Variants in PTPRK observed in about 807,000 individuals in gnomAD.
The protein encoded by PTPRK is receptor-type tyrosine-protein phosphatase kappa.
A neutral mutation model predicts 178.0 loss-of-function variants in PTPRK; 75 were observed. The observed-to-expected ratio is 0.42, with a 90% confidence interval of 0.35 to 0.51. PTPRK has a LOEUF of 0.51. Among genes scored for constraint, PTPRK ranks in the 20% least tolerant of loss-of-function variants. The probability of loss-of-function intolerance (pLI) is 0.02; values close to 1 mark genes in which losing one functional copy is unlikely to be tolerated. For missense variants in PTPRK, 1,441 were observed against 1,797.8 expected, an observed-to-expected ratio of 0.80 and a Z score of 3.59; for synonymous variants, 637 against 620.6, an observed-to-expected ratio of 1.03 and a Z score of -0.39.
intron 7 of PTPRK, among the ~76,000 whole-genome samples, chr6:128,179,966 A>G (rs899073894): frequency 6.6e-6 from 1 of 152,066 alleles, no homozygotes; most frequent in Middle Eastern, 3.2e-3. Flanking sequence ...TAACTGTTTC[A>G]CTGAAAATTG....
At chr6:128,012,006 G>C (rs1436416228) in intron 13 of PTPRK, among the ~76,000 whole-genome samples, 1 of 151,112 alleles carries the variant, frequency 6.6e-6, no homozygotes, top group Non-Finnish European at 1.5e-5. Context: ...GTTGGGTAAG[G>C]CTGCCTGTCT....
intron 1 of PTPRK, among the ~76,000 whole-genome samples, chr6:128,444,460 A>G (rs1846682270): frequency 6.6e-6 from 1 of 152,136 alleles, no homozygotes; most frequent in Admixed American, 6.6e-5. Context: ...TTCTGTGGCT[A>G]TAAATCCCCA....
intron 6 of PTPRK, among the ~76,000 whole-genome samples, chr6:128,204,151 C>T (rs550402806): frequency 1.2e-4 from 19 of 152,136 alleles, no homozygotes; most frequent in Admixed American, 3.3e-4. Flanking sequence ...CTTTGACAAA[C>T]CTGAAAAAAC....
At chr6:128,252,239 T>G (rs1816576648) in intron 3 of PTPRK, among the ~76,000 whole-genome samples, 1 of 152,240 alleles carries the variant, frequency 6.6e-6, no homozygotes, top group Non-Finnish European at 1.5e-5. Context: ...TGGCTATCCC[T>G]AATGTAATCA....
chr6:128,154,331 A>G (rs557672707), intron 7 of PTPRK, among the ~76,000 whole-genome samples: 3 of 151,996 alleles, frequency 2.0e-5, no homozygotes, highest in South Asian at 4.1e-4. Flanking sequence ...CAAAAAAATT[A>G]GGAAAAAAAT....
chr6:128,150,010 A>G (rs980464963), intron 7 of PTPRK, among the ~76,000 whole-genome samples: 1 of 152,168 alleles, frequency 6.6e-6, no homozygotes, highest in Non-Finnish European at 1.5e-5. Flanking sequence ...GAATCTTATC[A>G]TTCTACTGGA....
chr6:128,243,485 C>T (rs552427986), intron 3 of PTPRK, among the ~76,000 whole-genome samples: 4 of 96,384 alleles, frequency 4.2e-5, no homozygotes, highest in Non-Finnish European at 5.6e-5. Flanking sequence ...GAGAGCCTGT[C>T]GCTAAAAAAA....
chr6:128,219,176 G>A (rs903081787), intron 5 of PTPRK, 80 bp from the exon 6 acceptor site: 6 of 1,287,654 alleles, frequency 4.7e-6, no homozygotes, highest in Non-Finnish European at 5.3e-6. Context: ...AGCAATATCT[G>A]TGATAAATTA....
intron 1 of PTPRK, among the ~76,000 whole-genome samples, chr6:128,441,702 A>T (rs1167754330): frequency 1.3e-5 from 2 of 152,214 alleles, no homozygotes; most frequent in East Asian, 3.9e-4. Flanking sequence ...CACAAGATGG[A>T]TTCACTTCTA....
chr6:128,456,208 T>C (rs1848372149), intron 1 of PTPRK, among the ~76,000 whole-genome samples: 1 of 151,994 alleles, frequency 6.6e-6, no homozygotes, highest in South Asian at 2.1e-4. Flanking sequence ...ACAAGATTTT[T>C]CAACAAACAG....
chr6:128,509,611 A>G (rs1856884750), intron 1 of PTPRK, among the ~76,000 whole-genome samples: 1 of 152,156 alleles, frequency 6.6e-6, no homozygotes. Context: ...CACATATATT[A>G]TTCATTTCAC....
In PTPRK at chr6:128,000,208, G is replaced by T. The variant is rs148643482; in HGVS notation, c.2495-1304C>A. 18 of 1,088,214 alleles carry T rather than the reference G, an allele frequency of 1.7e-5. No homozygotes were observed. The East Asian group carries it at 1.0e-3, about 62-fold the overall frequency. 67.4% of individuals were successfully genotyped at this position (1,088,214 alleles called of 1,614,324 possible). ...AATGATAATGCATACTGTAGAGAAT[G>T]ATATTTAATTAACAGATAAACATAT... On this transcript the variant is annotated intron_variant, in intron 15 of 29. Coordinates refer to ENST00000368226, the MANE Select transcript of PTPRK (RefSeq NM_002844.4).
rs754669062 is a variant in PTPRK at position 127,973,769 on chromosome 6, C to T, written c.4028G>A (p.Arg1343Gln). ...QFQYLGWASH[R>Q]EVPGSKRSFL... Reference sequence around the variant, plus strand: ...TGACCTTTTGGATCCAGGCACTTCTCGATGAGAAGCCCATCCTAGGTACTG... The same window carrying T: ...TGACCTTTTGGATCCAGGCACTTCTTGATGAGAAGCCCATCCTAGGTACTG... The change falls in exon 28 of 30, where the codon CGA (arginine) becomes CAA (glutamine). Residue 1343 changes from arginine (R) to glutamine (Q), a missense_variant. Arg to Gln is a conservative substitution (Grantham distance 43, BLOSUM62 1). Transcript: ENST00000368226. 6.0e-5 allele frequency: 97 copies of T among 1,613,856 alleles called. No individual in the cohort carries two copies. Among genetic ancestry groups the T allele is most frequent in the Non-Finnish European group, 8.1e-5 (95 of 1,179,928 alleles).
chr6:128,516,066 G>A (rs1857964584), intron 1 of PTPRK, among the ~76,000 whole-genome samples: 1 of 152,150 alleles, frequency 6.6e-6, no homozygotes, highest in Non-Finnish European at 1.5e-5. Flanking sequence ...GTTAGTGGAT[G>A]AGTCATATTT....
intron 5 of PTPRK, among the ~76,000 whole-genome samples, chr6:128,229,657 T>C (rs989091270): frequency 6.6e-6 from 1 of 152,044 alleles, no homozygotes; most frequent in African/African-American, 2.4e-5. Context: ...TCAAAAAGAA[T>C]CAGGAGCAAA....
At chr6:128,006,179 A>T (rs1247126290) in intron 14 of PTPRK, 1 of 712,822 alleles carries the variant, frequency 1.4e-6, no homozygotes, top group Admixed American at 3.9e-5. Context: ...AATAAAATTC[A>T]TGTTTTTTTT....
intron 7 of PTPRK, among the ~76,000 whole-genome samples, chr6:128,151,968 G>A (rs1797314606): frequency 6.6e-6 from 1 of 151,756 alleles, no homozygotes; most frequent in African/African-American, 2.4e-5. Flanking sequence ...CTTTAATGAA[G>A]ATAAAAATTT....
chr6:127,985,747 A>G lies in PTPRK; in HGVS notation c.3225T>C (p.Ser1075=), dbSNP rs1458642418. The part of the protein sequence containing the change: ...IRRVKLSNPP[S]AGPIVVHCSA... The stretch of plus-strand genomic sequence containing the variant: ...TGCAATGTACAACGATGGGGCCAGC[A>G]CTGGGAGGGTTTGATAACTTGACTC... Residue 1075 remains serine, a synonymous_variant, in exon 22 of 30, where the codon AGT becomes AGC. Coordinates refer to ENST00000368226, the MANE Select transcript of PTPRK (RefSeq NM_002844.4). 1 of 1,613,852 alleles carries G rather than the reference A, an allele frequency of 6.2e-7. No individual in the cohort carries two copies. The highest frequency in any genetic ancestry group is 8.5e-7 in the Non-Finnish European group (1 of 1,179,896).
chr6:127,981,433 G>T, intron 24 of PTPRK, 144 bp from the exon 25 acceptor site: 1 of 668,008 alleles, frequency 1.5e-6, no homozygotes, highest in Non-Finnish European at 2.4e-6. Flanking sequence ...CAGGCTGATA[G>T]ACCTTGTAGT....
Sources: allele counts gnomAD v4.1 joint callset (sites outside exome capture counted in the v4.1 genomes callset), GRCh38; gene constraint gnomAD v4.1.1; transcripts MANE v1.5; gene names NCBI Gene and HGNC (gene_info 2026-07-23, HGNC 2026-07-21).